CTC1: variants seen among roughly 807,000 people sequenced by gnomAD.
CTC1 encodes the protein CST telomere replication complex component 1, also known as CST complex subunit CTC1.
In CTC1, 91 loss-of-function variants were observed where a neutral mutation model predicts 136.3. That is an observed-to-expected ratio of 0.67 (90% CI 0.56 to 0.79). The LOEUF (loss-of-function observed/expected upper bound fraction) is 0.79. Among genes scored for constraint, CTC1 ranks in the 30% least tolerant of loss-of-function variants. CTC1 has a pLI of 0.00. For missense variants in CTC1, 1,432 were observed against 1,498.1 expected (o/e 0.96, Z 0.73); for synonymous variants, 606 against 613.8 (o/e 0.99, Z 0.19).
chr17:8,246,965 C>CTTATTTATTTATTTATTTATTTATTTAT (rs147423378), intron 1 of CTC1, among the ~76,000 whole-genome samples: 1 of 141,402 alleles, frequency 7.1e-6, no homozygotes, highest in African/African-American at 2.6e-5. Context: ...TTCTTAACAT[C>CTTATTTATTTATTTATTTATTTATTTAT]TTATTTATTT....
At chr17:8,230,802 C>G (rs898026708) in intron 15 of CTC1, 151 bp from the exon 16 acceptor site, 1 of 654,530 alleles carries the variant, frequency 1.5e-6, no homozygotes, top group Non-Finnish European at 2.7e-6. Context: ...ACACTGCACA[C>G]TAAGAGTAAC....
chr17:8,228,208 G>A lies in CTC1; in HGVS notation c.3626C>T (p.Ser1209Phe). ...LSIRESEYSS[S>F]LGILASSC is the part of the protein sequence containing the mutation. ...ACAGGAGGAAGCAAGGATCCCCAGA[G>A]AGCTGGAGTACTCTGACTCTCGGAT... Residue 1209 changes from serine (S) to phenylalanine (F), a missense_variant, in exon 23 of 23, where the codon TCT (serine) becomes TTT (phenylalanine). Physicochemically the swap from Ser to Phe is radical, Grantham distance 155 (BLOSUM62 -2). Transcript: ENST00000651323. 1 of 1,614,132 alleles carries A rather than the reference G, an allele frequency of 6.2e-7. No homozygotes were observed. Among genetic ancestry groups the A allele is most frequent in the Non-Finnish European group, 8.5e-7 (1 of 1,180,004 alleles).
At chr17:8,247,408 C>G (rs1988835267) in intron 1 of CTC1, among the ~76,000 whole-genome samples, 1 of 145,506 alleles carries the variant, frequency 6.9e-6, no homozygotes, top group South Asian at 2.3e-4. Context: ...CTACCCGGTT[C>G]AAGCGATTCT....
In CTC1 at chr17:8,235,208, G is replaced by A. The variant is rs751503167; in HGVS notation, c.1284C>T (p.Ala428=). 17 of 1,614,028 alleles carry A rather than the reference G, an allele frequency of 1.1e-5. No individual in the cohort carries two copies. The East Asian group carries it at 1.1e-4, about 11-fold the overall frequency. Residue 428 remains alanine (A), a synonymous_variant, in exon 8 of 23, where the codon GCC becomes GCT. Transcript: ENST00000651323. ...RPVLAPCLRG[A]VLLQSFSRQK... ...GACGAGAGAAGCTTTGAAGCAGAAC[G>A]GCGCCACGGAGGCAGGGGGCGAGCA...
chr17:8,236,334 G>A lies in CTC1; in HGVS notation c.801C>T (p.Ala267=), dbSNP rs1315304468. The change falls in exon 6 of 23, where the codon GCC becomes GCT. Residue 267 remains alanine (A), a synonymous_variant. Coordinates refer to ENST00000651323, the MANE Select transcript of CTC1 (RefSeq NM_025099.6). ...GAAGGGCTCTGTGCCACACCAGCTG[G>A]GCAGGGACCTGGCTTGTGCAGAGAC... ...THVSIIVQVP[A]QLVWHRALRP... 1 of 1,606,278 alleles carries A rather than the reference G, an allele frequency of 6.2e-7. No homozygotes were observed.
chr17:8,227,131 C>T lies in CTC1; in HGVS notation c.*1049G>A, dbSNP rs568070375. ...TGCTACCATAAAAGCAGCATAAATC[C>T]CAACATATGGGTTTAACCACGCTCT... is the stretch of plus-strand genomic sequence containing the variant. On this transcript the variant is annotated 3_prime_UTR_variant, in exon 23 of 23. Coordinates refer to ENST00000651323, the MANE Select transcript of CTC1 (RefSeq NM_025099.6). 6.6e-6 allele frequency: 1 copy of T among 152,084 alleles called. No individual in the cohort carries two copies. Among genetic ancestry groups the T allele is most frequent in the Non-Finnish European group, 1.5e-5 (1 of 68,024 alleles). The allele number at this position is 152,084 out of a possible 1,614,324, so 9.4% of individuals were successfully genotyped here.
Position 8,238,583 on chromosome 17 carries a change from A to G in CTC1, c.244T>C (p.Cys82Arg), listed in dbSNP as rs1987946472. ...DLKTHQRLPC[C>R]SHLSWSSSAY... is the part of the protein sequence containing the mutation. ...CTACTGCTCCACGACAGGTGGCTGC[A>G]GCATGGGAGACGCTGGTGAGTCTTG... The change falls in exon 3 of 23, where the codon TGC (cysteine) becomes CGC (arginine). Residue 82 changes from cysteine to arginine, a missense_variant. Cys to Arg is a radical substitution (Grantham distance 180). Transcript: ENST00000651323. The G allele has an allele frequency of 6.2e-6, 10 of 1,613,724 alleles. No homozygotes were observed. The highest frequency in any genetic ancestry group is 8.5e-6 in the Non-Finnish European group (10 of 1,179,760).
At chr17:8,242,572 A>G (rs929964306) in intron 2 of CTC1, among the ~76,000 whole-genome samples, 2 of 144,964 alleles carry the variant, frequency 1.4e-5, no homozygotes, top group Non-Finnish European at 3.0e-5. Context: ...ATATATATAT[A>G]TATATATACA....
At chr17:8,237,663 CTCAAAAAAAAAAAAAAAA>C (rs1987850480) in intron 4 of CTC1, 144 bp from the exon 5 acceptor site, 5 of 46,316 alleles carry the variant, frequency 1.1e-4, no homozygotes, top group Non-Finnish European at 1.2e-4. Flanking sequence ...GAAACTACGT[CTCAAAAAAAAAAAAAAAA>C]AAAAAAAAAA....
In CTC1 at chr17:8,231,259, G is replaced by A. The variant is rs773124787; in HGVS notation, c.2669+17C>T. 1 of 1,506,522 alleles carries A rather than the reference G, an allele frequency of 6.6e-7. No homozygotes were observed. Among genetic ancestry groups the A allele is most frequent in the African/African-American group, 1.4e-5 (1 of 71,526 alleles). 93.3% of individuals were successfully genotyped at this position (1,506,522 alleles called of 1,614,324 possible). A position where few individuals can be genotyped will look rare whatever the true frequency, so the allele number is the denominator to read the frequency against. ...GAGAGTGGCCAAATTAACCAGAGGG[G>A]CTTGGTGGACATTTACTTGTCACTG... On this transcript the variant is annotated intron_variant, in intron 15 of 22. Transcript: ENST00000651323.
At chr17:8,237,122 C>T (rs986304870) in intron 5 of CTC1, among the ~76,000 whole-genome samples, 9 of 150,830 alleles carry the variant, frequency 6.0e-5, no homozygotes, top group South Asian at 2.1e-4. Flanking sequence ...CACAAGTGAG[C>T]GTGGCAGTTT....
At chr17:8,236,433 G>T in intron 5 of CTC1, 91 bp from the exon 6 acceptor site, 1 of 1,372,188 alleles carries the variant, frequency 7.3e-7, no homozygotes, top group Non-Finnish European at 9.8e-7. Flanking sequence ...TGAACTCAGA[G>T]ACCTGCCCTC....
chr17:8,245,608 G>A (rs1458411853), intron 1 of CTC1, among the ~76,000 whole-genome samples: 1 of 152,092 alleles, frequency 6.6e-6, no homozygotes, highest in Non-Finnish European at 1.5e-5. Context: ...CCTAAGTTTT[G>A]TTAAAAAGGC....
Position 8,226,573 on chromosome 17 carries a change from G to A in CTC1, c.*1607C>T, listed in dbSNP as rs1986685935. 6.6e-6 allele frequency: 1 copy of A among 151,962 alleles called. No homozygotes were observed. Among genetic ancestry groups the A allele is most frequent in the South Asian group, 2.1e-4 (1 of 4,834 alleles). 9.4% of individuals were successfully genotyped at this position (151,962 alleles called of 1,614,324 possible). A position where few individuals can be genotyped will look rare whatever the true frequency, so the allele number is the denominator to read the frequency against. Reference sequence around the variant, plus strand: ...GCCGACTGGATCATCCCATCCTGGAGAGAAATATGGTCAGTATGCTGAAGA... The same window carrying A: ...GCCGACTGGATCATCCCATCCTGGAAAGAAATATGGTCAGTATGCTGAAGA... On this transcript the variant is annotated 3_prime_UTR_variant, in exon 23 of 23. Transcript: ENST00000651323.
At position 8,229,330 on chromosome 17, in the gene CTC1, C is replaced by T; in HGVS notation, c.3128G>A (p.Cys1043Tyr). The T allele has an allele frequency of 2.5e-6, 4 of 1,614,214 alleles. No individual in the cohort carries two copies. Among genetic ancestry groups the T allele is most frequent in the Non-Finnish European group, 3.4e-6 (4 of 1,180,040 alleles). ...CCGGCAGATGCTGGTACAATAAGCA[C>T]ACACCCAGAAGAGCTGAAGGCTGAA... ...SVFSLQLFWV[C>Y]AYCTSICRQG... Residue 1043 changes from cysteine to tyrosine, a missense_variant, in exon 19 of 23, where the codon TGT becomes TAT. Cys to Tyr is a radical substitution (Grantham distance 194). Coordinates refer to ENST00000651323, the MANE Select transcript of CTC1 (RefSeq NM_025099.6).
At chr17:8,240,844 A>G (rs1396231370) in intron 2 of CTC1, among the ~76,000 whole-genome samples, 7 of 152,108 alleles carry the variant, frequency 4.6e-5, no homozygotes, top group African/African-American at 1.4e-4. Context: ...ATATTGCACT[A>G]TAGCCTGGGC....
rs78320653 is a variant in CTC1, at chr17:8,234,545, C to T, written c.1728G>A (p.Pro576=). The T allele has an allele frequency of 1.9e-3, 2,934 of 1,574,920 alleles. 6 individuals carry two copies. The highest frequency in any genetic ancestry group is 2.3e-3 in the Non-Finnish European group (2,625 of 1,159,642). Residue 576 remains proline (P), a synonymous_variant, in exon 10 of 23, where the codon CCG becomes CCA. Coordinates refer to ENST00000651323, the MANE Select transcript of CTC1 (RefSeq NM_025099.6). ...SFDPKALLPL[P]EASYLPSCQL... ...GGCAGCTGGGCAGGTAGGAGGCCTC[C>T]GGGAGGGGCAGAAGGGCCTTAGGGT... is the stretch of plus-strand genomic sequence containing the variant.
chr17:8,234,368 GAAGA>G, intron 10 of CTC1, 83 bp downstream of exon 10: 1 of 1,311,372 alleles, frequency 7.6e-7, no homozygotes, highest in Non-Finnish European at 1.1e-6. Context: ...TCAAAATGAC[GAAGA>G]AAGATAGTAA....
Position 8,227,842 on chromosome 17 carries a change from C to T in CTC1, c.*338G>A, listed in dbSNP as rs1312338688. ...GAAATGACACCAGAGGGCTTCATTGCAGGTCAATAGGCCTGTCACCATCAC... is the reference window on the plus strand; with the variant it reads ...GAAATGACACCAGAGGGCTTCATTGTAGGTCAATAGGCCTGTCACCATCAC... On this transcript the variant is annotated 3_prime_UTR_variant, in exon 23 of 23. Transcript: ENST00000651323. 1.4e-5 allele frequency: 3 copies of T among 213,712 alleles called. No homozygotes were observed. Among genetic ancestry groups the T allele is most frequent in the Non-Finnish European group, 9.5e-6 (1 of 104,782 alleles). 13.2% of individuals were successfully genotyped at this position (213,712 alleles called of 1,614,324 possible). A position where few individuals can be genotyped will look rare whatever the true frequency, so the allele number is the denominator to read the frequency against.
Sources: gnomAD v4.1 joint callset for allele counts (sites outside exome capture counted in the v4.1 genomes callset) on GRCh38, gnomAD v4.1.1 for gene constraint, MANE v1.5 for transcripts, NCBI Gene and HGNC (gene_info 2026-07-23, HGNC 2026-07-21) for gene names.